Variants in NTRK3 observed in about 807,000 individuals in gnomAD.
NTRK3 encodes the protein neurotrophic receptor tyrosine kinase 3, also known as NT-3 growth factor receptor.
In NTRK3, 24 loss-of-function variants were observed where a neutral mutation model predicts 91.7. That is an observed-to-expected ratio of 0.26 (90% CI 0.19 to 0.37). The LOEUF (loss-of-function observed/expected upper bound fraction) is 0.37, where lower values mean the gene tolerates loss of function less well. Ranked by LOEUF, NTRK3 falls within the 10% of genes least tolerant of loss-of-function variation. NTRK3 has a pLI of 1.00. For synonymous variants in NTRK3, 483 were observed against 404.0 expected (o/e 1.20, Z -2.34); for missense variants, 880 against 1,068.9 (o/e 0.82, Z 2.46).
At chr15:87,964,299 T>A (rs955949005) in intron 14 of NTRK3, among the ~76,000 whole-genome samples, 1 of 151,856 alleles carries the variant, frequency 6.6e-6, no homozygotes, top group African/African-American at 2.4e-5. Context: ...TATAGACAGA[T>A]AGATCAATCT....
chr15:88,197,428 C>T (rs958309467), intron 3 of NTRK3, among the ~76,000 whole-genome samples: 25 of 152,136 alleles, frequency 1.6e-4, no homozygotes, highest in African/African-American at 5.6e-4. Flanking sequence ...AAGATGACAT[C>T]GATCATGTCC....
exon 2 of NTRK3, chr15:88,256,426 C>T: frequency 1.8e-6 from 1 of 542,600 alleles, no homozygotes; most frequent in East Asian, 3.2e-5. Flanking sequence ...GCCGGCTCGG[C>T]GATCGCTGAC....
At chr15:87,909,744 A>C (rs1296098054) in intron 17 of NTRK3, among the ~76,000 whole-genome samples, 1 of 152,216 alleles carries the variant, frequency 6.6e-6, no homozygotes, top group Non-Finnish European at 1.5e-5. Context: ...TGGGGTCTGT[A>C]GGGTGGGCCC....
chr15:88,046,322 A>T (rs2080192488), intron 13 of NTRK3, among the ~76,000 whole-genome samples: 1 of 152,152 alleles, frequency 6.6e-6, no homozygotes. Context: ...GTGCTCACCA[A>T]ATACCTTCTC....
intron 3 of NTRK3, among the ~76,000 whole-genome samples, chr15:88,210,910 T>A (rs1042780360): frequency 6.6e-6 from 1 of 152,146 alleles, no homozygotes; most frequent in Non-Finnish European, 1.5e-5. Flanking sequence ...ACACCCTGCC[T>A]GTGACCCAGA....
chr15:87,889,827 C>T (rs1032754592), intron 17 of NTRK3, among the ~76,000 whole-genome samples: 1 of 151,904 alleles, frequency 6.6e-6, no homozygotes, highest in Non-Finnish European at 1.5e-5. Context: ...TCAAAAGTTC[C>T]CAAATGTTTT....
chr15:88,150,860 C>A (rs1266426262), intron 5 of NTRK3, among the ~76,000 whole-genome samples: 1 of 152,170 alleles, frequency 6.6e-6, no homozygotes, highest in African/African-American at 2.4e-5. Context: ...ATTCTCATAG[C>A]GCAGGGTAAA....
intron 17 of NTRK3, among the ~76,000 whole-genome samples, chr15:87,919,306 A>T (rs2067681254): frequency 6.6e-6 from 1 of 152,146 alleles, no homozygotes; most frequent in Admixed American, 6.5e-5. Flanking sequence ...CAAAAATGGG[A>T]GGGCACTTCC....
At chr15:87,978,627 G>A (rs970730483) in intron 14 of NTRK3, 5 of 231,092 alleles carry the variant, frequency 2.2e-5, no homozygotes, top group African/African-American at 1.1e-4. Flanking sequence ...TCCTCTGCAA[G>A]GAGTTTTCTA....
At chr15:87,886,684 A>G (rs1267305305) in intron 17 of NTRK3, among the ~76,000 whole-genome samples, 9 of 140,320 alleles carry the variant, frequency 6.4e-5, no homozygotes, top group African/African-American at 1.9e-4. Flanking sequence ...TGCTATATAT[A>G]TATATATATA....
At chr15:87,961,657 G>C (rs1259968239) in intron 14 of NTRK3, among the ~76,000 whole-genome samples, 2 of 152,250 alleles carry the variant, frequency 1.3e-5, no homozygotes, top group Non-Finnish European at 2.9e-5. Context: ...TGAGGGTGCA[G>C]TCTGTCCCCT....
chr15:88,019,020 G>C (rs1276808031), intron 14 of NTRK3, among the ~76,000 whole-genome samples: 1 of 151,912 alleles, frequency 6.6e-6, no homozygotes, highest in African/African-American at 2.4e-5. Context: ...CACACAGCTT[G>C]CTCAACCAAG....
chr15:87,957,681 G>C (rs1255735750), intron 14 of NTRK3, among the ~76,000 whole-genome samples: 1 of 152,330 alleles, frequency 6.6e-6, no homozygotes, highest in South Asian at 2.1e-4. Context: ...CTGTAAGGTG[G>C]GGTGACAGAC....
intron 13 of NTRK3, among the ~76,000 whole-genome samples, chr15:88,033,944 A>C (rs535981715): frequency 2.4e-4 from 37 of 152,266 alleles, no homozygotes; most frequent in African/African-American, 8.9e-4. Context: ...TTTCATCCCC[A>C]GAGGTTCTGA....
chr15:88,142,011 G>GAC (rs1405390289), intron 6 of NTRK3, among the ~76,000 whole-genome samples: 2 of 152,174 alleles, frequency 1.3e-5, no homozygotes, highest in African/African-American at 2.4e-5. Flanking sequence ...AAGAGAACAA[G>GAC]ACACACACAC....
chr15:88,078,442 A>T (rs1030192653), intron 13 of NTRK3, among the ~76,000 whole-genome samples: 1 of 152,194 alleles, frequency 6.6e-6, no homozygotes, highest in African/African-American at 2.4e-5. Flanking sequence ...TGAAGTCAGG[A>T]GTTCAAAGAC....
At chr15:88,203,224 A>G (rs1334197683) in intron 3 of NTRK3, among the ~76,000 whole-genome samples, 1 of 152,078 alleles carries the variant, frequency 6.6e-6, no homozygotes, top group Non-Finnish European at 1.5e-5. Flanking sequence ...TCCTGAGATT[A>G]CTTCCCACAT....
intron 13 of NTRK3, among the ~76,000 whole-genome samples, chr15:88,077,847 G>T (rs2047687340): frequency 1.3e-5 from 2 of 152,182 alleles, no homozygotes; most frequent in African/African-American, 4.8e-5. Flanking sequence ...CTCCTTCCCA[G>T]ACACACAACT....
chr15:87,922,838 T>G (rs970253594), intron 17 of NTRK3, among the ~76,000 whole-genome samples: 1 of 152,182 alleles, frequency 6.6e-6, no homozygotes, highest in Non-Finnish European at 1.5e-5. Context: ...ATCTATTAAC[T>G]TACATTCCCT....
Sources: gnomAD v4.1 joint callset for allele counts (sites outside exome capture counted in the v4.1 genomes callset) on GRCh38, gnomAD v4.1.1 for gene constraint, MANE v1.5 for transcripts, NCBI Gene and HGNC (gene_info 2026-07-23, HGNC 2026-07-21) for gene names.